Variants in OSBPL6 observed in about 807,000 individuals in gnomAD.
The protein encoded by OSBPL6 is oxysterol-binding protein-related protein 6.
A neutral mutation model predicts 125.8 loss-of-function variants in OSBPL6; 49 were observed. The ratio of observed to expected loss-of-function variants is 0.39; its 90% CI spans 0.31 to 0.49. The LOEUF is 0.49. Ranked by LOEUF, OSBPL6 falls within the 20% of genes least tolerant of loss-of-function variation. The pLI is 0.88. For synonymous variants in OSBPL6, 394 were observed against 391.8 expected (o/e 1.01, Z -0.07); for missense variants, 986 against 1,135.4 (o/e 0.87, Z 1.89).
At chr2:178,347,344 A>AT (rs911357277) in intron 11 of OSBPL6, among the ~76,000 whole-genome samples, 1 of 151,868 alleles carries the variant, frequency 6.6e-6, no homozygotes, top group Non-Finnish European at 1.5e-5. Context: ...ACCCGCATTT[A>AT]TTTTTTTTAA....
chr2:178,369,070 T>C (rs1693132200), intron 13 of OSBPL6, among the ~76,000 whole-genome samples: 1 of 152,192 alleles, frequency 6.6e-6, no homozygotes, highest in African/African-American at 2.4e-5. Flanking sequence ...GTGCTGAGGT[T>C]ACAGACATGA....
In OSBPL6 at chr2:178,353,425, A is replaced by G. The variant is rs181776032; in HGVS notation, c.1153+4036A>G. 1.2e-4 allele frequency among the ~76,000 whole-genome samples: 18 copies of G among 152,342 alleles called. No individual in the cohort carries two copies. The East Asian group carries it at 2.9e-3, about 24-fold the overall frequency. ...AAATGACCTGATGGAGCTGAAAACCATGGCACAAGAACTTTGTGATGCATG... is the reference window on the plus strand; with the variant it reads ...AAATGACCTGATGGAGCTGAAAACCGTGGCACAAGAACTTTGTGATGCATG... On this transcript the variant is annotated intron_variant, in intron 12 of 24. Transcript: ENST00000190611.
In OSBPL6 at chr2:178,268,085, C is replaced by CTT. The variant is rs36020212; in HGVS notation, c.-350-16829_-350-16828dup. On this transcript the variant is annotated intron_variant, in intron 1 of 24. Coordinates refer to ENST00000190611, the MANE Select transcript of OSBPL6 (RefSeq NM_032523.4). ...GGTGCTTTTAGATTATTTAAATTTT[C>CTT]TTTTTTTTTTTTTTGAGATGGAGTT... is the stretch of plus-strand genomic sequence containing the variant. Among the ~76,000 whole-genome samples the CTT allele has an allele frequency of 2.7e-3, 384 of 142,282 alleles. 1 individual carries two copies. Among genetic ancestry groups the CTT allele is most frequent in the Admixed American group, 8.2e-3 (116 of 14,232 alleles). 93.3% of individuals were successfully genotyped at this position (142,282 alleles called of 152,430 possible).
At chr2:178,197,570 T>C (rs1261105701) in intron 1 of OSBPL6, among the ~76,000 whole-genome samples, 5 of 152,196 alleles carry the variant, frequency 3.3e-5, no homozygotes, top group Non-Finnish European at 7.3e-5. Context: ...CATAGATACC[T>C]ATGATAAAAT....
intron 13 of OSBPL6, among the ~76,000 whole-genome samples, chr2:178,369,949 T>A (rs898691532): frequency 2.0e-5 from 3 of 152,096 alleles, no homozygotes; most frequent in African/African-American, 7.2e-5. Context: ...ATTTGAGGTT[T>A]GTATGAAACC....
chr2:178,372,261 G>C, intron 14 of OSBPL6, 28 bp downstream of exon 14: 1 of 1,499,946 alleles, frequency 6.7e-7, no homozygotes, highest in East Asian at 2.3e-5. Flanking sequence ...TAGATGCAGA[G>C]TACCTATTTT....
chr2:178,216,860 G>A lies in OSBPL6; in HGVS notation c.-351+22186G>A, dbSNP rs548903987. Among the ~76,000 whole-genome samples, 4 of 152,252 alleles carry A rather than the reference G, an allele frequency of 2.6e-5. No individual in the cohort carries two copies. In the South Asian group the frequency reaches 8.3e-4, roughly 32 times the overall value. On this transcript the variant is annotated intron_variant, in intron 1 of 24. Transcript: ENST00000190611. ...GTCATCTGAGAGAATAAAAGGTTTGGCTCACTAAAACTGTCAAGGATGAGA... is the reference window on the plus strand; with the variant it reads ...GTCATCTGAGAGAATAAAAGGTTTGACTCACTAAAACTGTCAAGGATGAGA...
chr2:178,400,204 T>G lies in OSBPL6; in HGVS notation c.*4645T>G, dbSNP rs1362858364. Reference sequence around the variant, plus strand: ...CACTTTCCCTTAATTCTCATCTATTTAGTTTTTTAATAAAATTGTTGCTAG... The same window carrying G: ...CACTTTCCCTTAATTCTCATCTATTGAGTTTTTTAATAAAATTGTTGCTAG... On this transcript the variant is annotated 3_prime_UTR_variant, in exon 25 of 25. Coordinates refer to ENST00000190611, the MANE Select transcript of OSBPL6 (RefSeq NM_032523.4). 3 of 152,124 alleles carry G rather than the reference T, an allele frequency of 2.0e-5. No individual in the cohort carries two copies. The highest frequency in any genetic ancestry group is 4.4e-5 in the Non-Finnish European group (3 of 68,026). The allele number at this position is 152,124 out of a possible 1,614,324, so 9.4% of individuals were successfully genotyped here.
intron 3 of OSBPL6, chr2:178,320,197 CTA>C: frequency 4.1e-6 from 6 of 1,471,450 alleles, no homozygotes; most frequent in Non-Finnish European, 5.5e-6. Context: ...GTCTGTTTAC[CTA>C]TGTCTTTGAT....
At chr2:178,274,982 C>T (rs2092441459) in intron 1 of OSBPL6, among the ~76,000 whole-genome samples, 1 of 151,926 alleles carries the variant, frequency 6.6e-6, no homozygotes, top group Non-Finnish European at 1.5e-5. Context: ...ACTCCTAGGT[C>T]CACAGATCTT....
intron 1 of OSBPL6, among the ~76,000 whole-genome samples, chr2:178,207,819 G>A (rs576308693): frequency 5.3e-5 from 8 of 152,122 alleles, no homozygotes; most frequent in Non-Finnish European, 1.0e-4. Flanking sequence ...TCTAAAGCTA[G>A]GTAGTAACTG....
intron 13 of OSBPL6, among the ~76,000 whole-genome samples, chr2:178,371,583 A>G (rs1218125279): frequency 1.3e-5 from 2 of 152,158 alleles, no homozygotes; most frequent in African/African-American, 4.8e-5. Context: ...GCACTGTCAT[A>G]TATATTAATT....
chr2:178,255,018 T>A (rs1034424984), intron 1 of OSBPL6, among the ~76,000 whole-genome samples: 56 of 152,274 alleles, frequency 3.7e-4, no homozygotes, highest in African/African-American at 1.3e-3. Context: ...AGAGAGGATG[T>A]GCAGTCCAGG....
intron 3 of OSBPL6, among the ~76,000 whole-genome samples, chr2:178,323,307 T>C (rs1194888422): frequency 1.3e-5 from 2 of 152,210 alleles, no homozygotes; most frequent in Non-Finnish European, 2.9e-5. Flanking sequence ...ATTCGTGTAC[T>C]TCACCCATTT....
Position 178,306,107 on chromosome 2 carries a change from C to A in OSBPL6, c.-78C>A. On this transcript the variant is annotated 5_prime_UTR_variant, in exon 3 of 25. An upstream open reading frame in the 5' UTR gains an earlier in-frame stop. Transcript: ENST00000190611. ...ATGAAATGGAATGAAGCTGAAAAAT[C>A]ATCTACTTCTTTGTTTGTGGATTTG... The A allele has an allele frequency of 1.1e-6, 1 of 908,846 alleles. No homozygotes were observed. 56.3% of individuals were successfully genotyped at this position (908,846 alleles called of 1,614,324 possible).
chr2:178,290,571 T>C (rs1685165116), intron 2 of OSBPL6, among the ~76,000 whole-genome samples: 1 of 152,144 alleles, frequency 6.6e-6, no homozygotes, highest in South Asian at 2.1e-4. Flanking sequence ...TGGACACACC[T>C]ATATAATCAG....
Position 178,291,662 on chromosome 2 carries a change from G to GTT in OSBPL6, c.-156+6542_-156+6543insTT, listed in dbSNP as rs1559209120. On this transcript the variant is annotated intron_variant, in intron 2 of 24. Transcript: ENST00000190611. ...TTCATAGAAAATATAGGAACAGGTA[G>GTT]TCTCTTCCTTCCTTCCTTCCTTCCT... Among the ~76,000 whole-genome samples, 5 of 105,520 alleles carry GTT rather than the reference G, an allele frequency of 4.7e-5. No homozygotes were observed. In the East Asian group the frequency reaches 1.3e-3, roughly 27 times the overall value. 69.2% of individuals were successfully genotyped at this position (105,520 alleles called of 152,430 possible).
At chr2:178,231,607 C>T (rs1017323085) in intron 1 of OSBPL6, among the ~76,000 whole-genome samples, 6 of 150,204 alleles carry the variant, frequency 4.0e-5, no homozygotes, top group African/African-American at 1.5e-4. Flanking sequence ...GCAGCCCTTT[C>T]CCCCATCCTG....
chr2:178,384,600 G>A (rs1694769046), intron 18 of OSBPL6, among the ~76,000 whole-genome samples: 1 of 152,172 alleles, frequency 6.6e-6, no homozygotes, highest in Non-Finnish European at 1.5e-5. Flanking sequence ...ATGTGAGAGG[G>A]TGGTAGAGAG....
Sources: allele counts gnomAD v4.1 joint callset (sites outside exome capture counted in the v4.1 genomes callset), GRCh38; gene constraint gnomAD v4.1.1; transcripts MANE v1.5; gene names NCBI Gene and HGNC (gene_info 2026-07-23, HGNC 2026-07-21).